The following RBBP7 variants were observed in gnomAD, a reference collection of about 807,000 sequenced individuals.
The protein encoded by RBBP7 is RB binding protein 7, chromatin remodeling factor.
In RBBP7, 5 loss-of-function variants were observed where a neutral mutation model predicts 35.2. That is an observed-to-expected ratio of 0.14 (90% CI 0.07 to 0.30). The LOEUF is 0.30. Ranked by LOEUF, RBBP7 falls within the 10% of genes least tolerant of loss-of-function variation. The pLI is 1.00. For missense variants in RBBP7, 155 were observed against 327.5 expected, an observed-to-expected ratio of 0.47 and a Z score of 4.07; for synonymous variants, 140 against 118.7, an observed-to-expected ratio of 1.18 and a Z score of -1.17.
intron 2 of RBBP7, among the ~76,000 whole-genome samples, chrX:16,866,044 G>T (rs189229983): frequency 2.9e-4 from 33 of 111,964 alleles, no homozygotes; most frequent in African/African-American, 1.0e-3. Context: ...AATGACTGGG[G>T]AAAGGAAGTA....
chrX:16,853,116 T>C (rs1930249169), intron 6 of RBBP7: 3 of 399,735 alleles, frequency 7.5e-6, no homozygotes, highest in Non-Finnish European at 1.3e-5. Flanking sequence ...TTACCAACTA[T>C]TTCAAGTGTA....
At chrX:16,849,146 G>T in intron 10 of RBBP7, 98 bp downstream of exon 10, 1 of 806,788 alleles carries the variant, frequency 1.2e-6, no homozygotes, top group South Asian at 2.9e-5. Context: ...CCATCTGCAA[G>T]AGCTAGAATT....
Position 16,869,103 on chromosome X carries a change from G to C in RBBP7, c.134C>G (p.Thr45Ser), listed in dbSNP as rs1930700785. The C allele has an allele frequency of 8.3e-7, 1 of 1,209,320 alleles. No homozygotes were observed. Among genetic ancestry groups the C allele is most frequent in the Admixed American group, 2.2e-5 (1 of 45,623 alleles). The change falls in exon 2 of 12, where the codon ACC becomes AGC. Residue 45 changes from threonine to serine, a missense_variant. Around this residue, in one of 3 missense-constraint regions of RBBP7, gnomAD observed 59 missense variants for 90.4 expected, o/e 0.65. Transcript: ENST00000380087. ...MTHALQWPSL[T>S]VQWLPEVTKP... Reference sequence around the variant, plus strand: ...AGTCACTTCAGGAAGCCACTGAACGGTAAGACTGGGCCACTGAAGAGCATG... The same window carrying C: ...AGTCACTTCAGGAAGCCACTGAACGCTAAGACTGGGCCACTGAAGAGCATG...
At chrX:16,869,561 T>A (rs924619509) in intron 1 of RBBP7, 3 of 1,164,727 alleles carry the variant, frequency 2.6e-6, no homozygotes, top group Non-Finnish European at 1.1e-6. Flanking sequence ...AATGCACGTG[T>A]AGCAGAAGCC....
intron 10 of RBBP7, 150 bp downstream of exon 10, chrX:16,849,094 C>G (rs1331250967): frequency 4.8e-6 from 2 of 413,803 alleles, no homozygotes; most frequent in African/African-American, 2.5e-5. Context: ...TGATAAATGT[C>G]AAAGCCCAGT....
chrX:16,869,814 G>C (rs1203409263), intron 1 of RBBP7: 70 of 910,745 alleles, frequency 7.7e-5, no homozygotes, highest in South Asian at 7.1e-4. Context: ...AAGGGAAGAG[G>C]GGGGCCCAGC....
chrX:16,854,023 G>A (rs1930282354), intron 5 of RBBP7, among the ~76,000 whole-genome samples, 181 bp from the exon 6 acceptor site: 1 of 109,964 alleles, frequency 9.1e-6, no homozygotes, highest in African/African-American at 3.3e-5. Context: ...GGGATTACAG[G>A]TGCAAGCCAC....
In RBBP7 at chrX:16,869,102, G is replaced by A. The variant is rs1269542062; in HGVS notation, c.135C>T (p.Thr45=). The change falls in exon 2 of 12, where the codon ACC becomes ACT. Residue 45 remains threonine, a synonymous_variant. Transcript: ENST00000380087. ...TAGTCACTTCAGGAAGCCACTGAAC[G>A]GTAAGACTGGGCCACTGAAGAGCAT... The part of the protein sequence containing the change: ...MTHALQWPSL[T]VQWLPEVTKP... 3.3e-6 allele frequency: 4 copies of A among 1,210,558 alleles called. No homozygotes were observed. The highest frequency in any genetic ancestry group is 3.5e-5 in the South Asian group (2 of 56,666).
At chrX:16,856,633 C>A (rs963395080) in intron 5 of RBBP7, among the ~76,000 whole-genome samples, 1 of 111,298 alleles carries the variant, frequency 9.0e-6, no homozygotes, top group Admixed American at 9.6e-5. Flanking sequence ...CCACTTTATG[C>A]ACACTAGGAT....
At chrX:16,848,108 T>G (rs1468354090) in intron 10 of RBBP7, 2 of 112,010 alleles carry the variant, frequency 1.8e-5, no homozygotes, top group Non-Finnish European at 3.8e-5. Context: ...AATCTTATAG[T>G]GCCAGAAAGT....
rs887501809 is a variant in RBBP7, at chrX:16,846,627, G to A, written c.1099-689C>T. The stretch of plus-strand genomic sequence containing the variant: ...GTTCCCCGCAAGAGACAACCTCGTC[G>A]GAATGCACTATGCCTTATTTTTTTA... On this transcript the variant is annotated intron_variant, in intron 10 of 11. Coordinates refer to ENST00000380087, the MANE Select transcript of RBBP7 (RefSeq NM_002893.4). The A allele has an allele frequency of 6.3e-5, 7 of 111,973 alleles. No homozygotes were observed. The East Asian group carries it at 8.4e-4, about 13-fold the overall frequency. The allele number at this position is 111,973 out of a possible 1,213,427, so 9.2% of individuals were successfully genotyped here. A position where few individuals can be genotyped will look rare whatever the true frequency, so the allele number is the denominator to read the frequency against.
chrX:16,855,207 G>T lies in RBBP7; in HGVS notation c.598-1365C>A, dbSNP rs1278851981. 8.1e-5 allele frequency among the ~76,000 whole-genome samples: 9 copies of T among 110,579 alleles called. No homozygotes were observed. In the South Asian group the frequency reaches 1.9e-3, roughly 24 times the overall value. On this transcript the variant is annotated intron_variant, in intron 5 of 11. Coordinates refer to ENST00000380087, the MANE Select transcript of RBBP7 (RefSeq NM_002893.4). ...TGGGATTACAGGTGTATGCCACCAA[G>T]CCCAGCTAATTTTTTTGTATTTTTA...
In RBBP7 at chrX:16,866,299, G is replaced by A. The variant is rs747721220; in HGVS notation, c.161+2777C>T. Among the ~76,000 whole-genome samples the A allele has an allele frequency of 1.1e-4, 12 of 109,289 alleles. No individual in the cohort carries two copies. The East Asian group carries it at 2.5e-3, about 23-fold the overall frequency. 94.9% of individuals were successfully genotyped at this position (109,289 alleles called of 115,157 possible). On this transcript the variant is annotated intron_variant, in intron 2 of 11. Coordinates refer to ENST00000380087, the MANE Select transcript of RBBP7 (RefSeq NM_002893.4). ...TCCCAGCACTCTGGGAGGCCGAGGC[G>A]GGCGGATCACGAGGTCAGGAGTTTG... is the stretch of plus-strand genomic sequence containing the variant.
At chrX:16,869,428 T>C in intron 1 of RBBP7, 1 of 1,131,359 alleles carries the variant, frequency 8.8e-7, no homozygotes, top group Non-Finnish European at 1.2e-6. Context: ...ACCCCCTGCG[T>C]ACACCATGTT....
At chrX:16,851,088 C>T (rs1348760239) in intron 9 of RBBP7, among the ~76,000 whole-genome samples, 1 of 104,535 alleles carries the variant, frequency 9.6e-6, no homozygotes, top group Non-Finnish European at 1.9e-5. Context: ...TGCGCCACTG[C>T]ACTCCAGCCT....
intron 2 of RBBP7, among the ~76,000 whole-genome samples, chrX:16,864,529 AAAAAAAAAAAAAAAAAAAG>A (rs1226892587): frequency 1.6e-5 from 1 of 62,132 alleles, no homozygotes; most frequent in Non-Finnish European, 2.8e-5. Flanking sequence ...CCGTCTCCAA[AAAAAAAAAAAAAAAAAAAG>A]AAAAAGAAAG....
At chrX:16,868,130 G>A (rs908436587) in intron 2 of RBBP7, among the ~76,000 whole-genome samples, 25 of 111,656 alleles carry the variant, frequency 2.2e-4, no homozygotes, top group African/African-American at 7.5e-4. Flanking sequence ...GTCTCACTCT[G>A]TTGGCTAAGC....
intron 2 of RBBP7, among the ~76,000 whole-genome samples, chrX:16,864,243 G>T (rs770195896): frequency 9.0e-6 from 1 of 110,983 alleles, no homozygotes; most frequent in Non-Finnish European, 1.9e-5. Flanking sequence ...AAGACAAATG[G>T]GCGCCGTGGC....
chrX:16,849,102 A>T, intron 10 of RBBP7, 142 bp downstream of exon 10: 2 of 441,455 alleles, frequency 4.5e-6, no homozygotes. Flanking sequence ...GTCAAAGCCC[A>T]GTTGCAATAA....
Sources: gnomAD v4.1 joint callset for allele counts (sites outside exome capture counted in the v4.1 genomes callset) on GRCh38, gnomAD v4.1.1 for gene constraint, gnomAD v4.1.1 regional missense constraint, MANE v1.5 for transcripts, NCBI Gene and HGNC (gene_info 2026-07-23, HGNC 2026-07-21) for gene names.